Variants in NOX3 observed in about 807,000 individuals in gnomAD.
NOX3 encodes the protein NADPH oxidase 3.
Under a neutral mutation model 76.7 loss-of-function variants are expected in NOX3, and 74 were observed. The observed-to-expected ratio is 0.96, with a 90% CI of 0.80 to 1.17. The LOEUF (loss-of-function observed/expected upper bound fraction) is 1.17, where lower values mean the gene tolerates loss of function less well. Ranked by LOEUF, NOX3 falls within the 50% of genes most tolerant of loss-of-function variation. NOX3 has a pLI of 0.00. For missense variants in NOX3, 695 were observed against 703.3 expected (o/e 0.99, Z 0.13); for synonymous variants, 263 against 261.1 (o/e 1.01, Z -0.07).
chr6:155,428,956 G>A lies in NOX3; in HGVS notation c.983C>T (p.Pro328Leu). Residue 328 changes from proline to leucine, a missense_variant, in exon 9 of 14, where the codon CCA becomes CTA. By Grantham distance (98) the Pro-to-Leu change is moderately conservative. Transcript: ENST00000159060. ...APGQYILVQCPAISSLEWHPF... is the reference protein window; with the variant it reads ...APGQYILVQCLAISSLEWHPF... Reference sequence around the variant, plus strand: ...GTGCCACTCCAGCGAAGATATGGCTGGGCACTGCACCAAGATGTACTGCCC... The same window carrying A: ...GTGCCACTCCAGCGAAGATATGGCTAGGCACTGCACCAAGATGTACTGCCC... 1 of 1,613,686 alleles carries A rather than the reference G, an allele frequency of 6.2e-7. No individual in the cohort carries two copies. Among genetic ancestry groups the A allele is most frequent in the South Asian group, 1.1e-5 (1 of 91,062 alleles).
intron 10 of NOX3, among the ~76,000 whole-genome samples, chr6:155,412,490 C>T (rs1264260489): frequency 6.6e-6 from 1 of 152,106 alleles, no homozygotes; most frequent in Non-Finnish European, 1.5e-5. Context: ...AGAATAAGGC[C>T]TCTTCTTTCA....
At chr6:155,432,926 A>G (rs1776853656) in intron 7 of NOX3, among the ~76,000 whole-genome samples, 1 of 152,242 alleles carries the variant, frequency 6.6e-6, no homozygotes, top group Non-Finnish European at 1.5e-5. Context: ...TGAATGAACC[A>G]GAAAGCTTTT....
At chr6:155,450,523 A>T (rs1295234270) in intron 4 of NOX3, among the ~76,000 whole-genome samples, 2 of 152,146 alleles carry the variant, frequency 1.3e-5, no homozygotes, top group Non-Finnish European at 2.9e-5. Flanking sequence ...CAGGGCAGCC[A>T]AGAGGCGTAA....
chr6:155,451,249 G>A (rs911833192), intron 4 of NOX3, among the ~76,000 whole-genome samples: 1 of 152,160 alleles, frequency 6.6e-6, no homozygotes, highest in African/African-American at 2.4e-5. Flanking sequence ...AAAGTGCTGG[G>A]ATTACAGGCG....
chr6:155,422,041 C>G (rs1246633420), intron 10 of NOX3, among the ~76,000 whole-genome samples: 2 of 152,212 alleles, frequency 1.3e-5, no homozygotes, highest in African/African-American at 4.8e-5. Context: ...AGCTCGTCTG[C>G]CATCCTCACT....
At chr6:155,443,461 C>A in intron 4 of NOX3, 43 bp from the exon 5 acceptor site, 2 of 1,594,248 alleles carry the variant, frequency 1.3e-6, no homozygotes, top group Non-Finnish European at 1.7e-6. Context: ...CTGTGGCTTG[C>A]TTTCTCCCTA....
intron 12 of NOX3, among the ~76,000 whole-genome samples, chr6:155,406,316 G>A (rs74549994): frequency 0.023 from 3,499 of 152,118 alleles, 87 homozygotes; most frequent in African/African-American, 0.058. Context: ...AATGGGGTGC[G>A]AAAGCTCAAA....
intron 10 of NOX3, among the ~76,000 whole-genome samples, chr6:155,415,351 G>A (rs1776610605): frequency 6.6e-6 from 1 of 152,188 alleles, no homozygotes; most frequent in African/African-American, 2.4e-5. Flanking sequence ...GCTTTCAGGC[G>A]ATTACATCTC....
At position 155,446,765 on chromosome 6, in the gene NOX3, G is replaced by A. The variant is rs1486841095; in HGVS notation, c.341-3347C>T. 2.0e-5 allele frequency among the ~76,000 whole-genome samples: 3 copies of A among 152,240 alleles called. No homozygotes were observed. In the East Asian group the frequency reaches 5.8e-4, roughly 29 times the overall value. ...CTTCTGGCTGATCACAACATTTGGA[G>A]TCCTCATTGTAGGTTGGTGTAAATG... On this transcript the variant is annotated intron_variant, in intron 4 of 13. Coordinates refer to ENST00000159060, the MANE Select transcript of NOX3 (RefSeq NM_015718.3).
At chr6:155,429,332 T>C (rs1012136370) in intron 8 of NOX3, among the ~76,000 whole-genome samples, 7 of 152,184 alleles carry the variant, frequency 4.6e-5, no homozygotes, top group African/African-American at 1.7e-4. Context: ...TGGCCAGGCT[T>C]TCCACAGCAC....
intron 6 of NOX3, among the ~76,000 whole-genome samples, chr6:155,438,129 TGTGAATA>T (rs368060635): frequency 6.8e-4 from 104 of 152,296 alleles, no homozygotes; most frequent in African/African-American, 2.3e-3. Context: ...ACATCATGTC[TGTGAATA>T]GGGCTTCTAG....
At chr6:155,408,722 A>G (rs1776496902) in intron 11 of NOX3, among the ~76,000 whole-genome samples, 1 of 152,176 alleles carries the variant, frequency 6.6e-6, no homozygotes, top group Admixed American at 6.5e-5. Context: ...TCAACAGTTG[A>G]CTGGACAAAG....
chr6:155,431,365 G>A (rs946879763), intron 7 of NOX3, among the ~76,000 whole-genome samples: 1 of 150,564 alleles, frequency 6.6e-6, no homozygotes, highest in Non-Finnish European at 1.5e-5. Flanking sequence ...GTAATTTTTT[G>A]GGCCAAGAAT....
At position 155,428,969 on chromosome 6, in the gene NOX3, A is replaced by G; in HGVS notation, c.970T>C (p.Leu324=). 1 of 1,614,068 alleles carries G rather than the reference A, an allele frequency of 6.2e-7. No homozygotes were observed. Among genetic ancestry groups the G allele is most frequent in the Non-Finnish European group, 8.5e-7 (1 of 1,179,956 alleles). ...GAAGATATGGCTGGGCACTGCACCA[A>G]GATGTACTGCCCTGGCGCCATTTTA... ...GFKMAPGQYI[L]VQCPAISSLE... The change falls in exon 9 of 14, where the codon TTG becomes CTG. Residue 324 remains leucine (L), a synonymous_variant. Coordinates refer to ENST00000159060, the MANE Select transcript of NOX3 (RefSeq NM_015718.3).
chr6:155,438,200 C>T (rs759517303), intron 6 of NOX3, among the ~76,000 whole-genome samples: 5 of 152,064 alleles, frequency 3.3e-5, no homozygotes, highest in Non-Finnish European at 7.4e-5. Context: ...TTAACAACCC[C>T]GGCGTCGGGG....
chr6:155,454,536 T>C (rs981089430), intron 3 of NOX3, among the ~76,000 whole-genome samples: 4 of 152,218 alleles, frequency 2.6e-5, no homozygotes, highest in African/African-American at 9.6e-5. Context: ...TTCCAGCTAT[T>C]ATAATGCTTC....
intron 10 of NOX3, among the ~76,000 whole-genome samples, chr6:155,419,997 T>C (rs1242945336): frequency 6.6e-6 from 1 of 152,062 alleles, no homozygotes. Flanking sequence ...ATATTTTTAC[T>C]ATATATATAG....
intron 10 of NOX3, among the ~76,000 whole-genome samples, chr6:155,421,047 A>C (rs1451546733): frequency 6.6e-6 from 1 of 152,196 alleles, no homozygotes; most frequent in Non-Finnish European, 1.5e-5. Context: ...GGGTGGAATC[A>C]GGCATGTTCT....
intron 6 of NOX3, among the ~76,000 whole-genome samples, chr6:155,438,119 A>G (rs1305882945): frequency 6.6e-6 from 1 of 152,172 alleles, no homozygotes; most frequent in African/African-American, 2.4e-5. Flanking sequence ...GGGGGTAAGC[A>G]CATCATGTCT....
Sources: allele counts gnomAD v4.1 joint callset (sites outside exome capture counted in the v4.1 genomes callset), GRCh38; gene constraint gnomAD v4.1.1; transcripts MANE v1.5; gene names NCBI Gene and HGNC (gene_info 2026-07-23, HGNC 2026-07-21).